The following ZMIZ1 variants were observed in gnomAD, a reference collection of about 807,000 sequenced individuals.
ZMIZ1 encodes the protein zinc finger MIZ-type containing 1, also known as zinc finger MIZ domain-containing protein 1.
A neutral mutation model predicts 113.9 loss-of-function variants in ZMIZ1; 17 were observed. That is an observed-to-expected ratio of 0.15 (90% CI 0.10 to 0.22). ZMIZ1 has a LOEUF of 0.22. ZMIZ1 is among the 10% of genes least tolerant of loss of function. ZMIZ1 has a pLI of 1.00. For missense variants in ZMIZ1, 1,059 were observed against 1,477.8 expected (o/e 0.72, Z 4.65); for synonymous variants, 607 against 603.1 (o/e 1.01, Z -0.09).
At chr10:79,149,096 A>T (rs1053194219) in intron 3 of ZMIZ1, among the ~76,000 whole-genome samples, 2 of 152,158 alleles carry the variant, frequency 1.3e-5, no homozygotes, top group African/African-American at 4.8e-5. Context: ...TGCCTTCATG[A>T]GGAGGCCCTT....
intron 11 of ZMIZ1, chr10:79,292,954 C>A: frequency 2.2e-6 from 1 of 459,460 alleles, no homozygotes; most frequent in Non-Finnish European, 4.3e-6. Context: ...TCCACTGGCC[C>A]AGGACCAAGG....
intron 2 of ZMIZ1, among the ~76,000 whole-genome samples, chr10:79,127,616 A>T (rs1341605917): frequency 6.6e-6 from 1 of 152,144 alleles, no homozygotes; most frequent in African/African-American, 2.4e-5. Flanking sequence ...CTGGAGTCAG[A>T]GAAGAGAAGG....
chr10:79,088,396 G>T (rs1345229747), intron 1 of ZMIZ1, among the ~76,000 whole-genome samples: 4 of 152,196 alleles, frequency 2.6e-5, no homozygotes, highest in Non-Finnish European at 5.9e-5. Flanking sequence ...CGAGTCTGTG[G>T]GCAAATGAGC....
intron 8 of ZMIZ1, 122 bp downstream of exon 8, chr10:79,277,447 GGTGCAGTT>G (rs1852371203): frequency 7.7e-7 from 1 of 1,292,682 alleles, no homozygotes; most frequent in Admixed American, 3.6e-5. Context: ...CATTTTCTAA[GGTGCAGTT>G]GTTTTTTTAC....
chr10:79,202,546 TCCACTCAG>T (rs67091351), intron 5 of ZMIZ1, among the ~76,000 whole-genome samples: 63,220 of 151,644 alleles, frequency 0.42, 13,561 homozygotes, highest in Non-Finnish European at 0.49. Context: ...GTAGCCTGAG[TCCACTCAG>T]CCCCTCTGGT....
chr10:79,212,031 C>G (rs1848549292), intron 6 of ZMIZ1, among the ~76,000 whole-genome samples: 1 of 152,240 alleles, frequency 6.6e-6, no homozygotes, highest in Non-Finnish European at 1.5e-5. Flanking sequence ...ATTCCCTAGA[C>G]AGCCTGTCCT....
intron 7 of ZMIZ1, among the ~76,000 whole-genome samples, chr10:79,263,161 A>G (rs1217265918): frequency 2.0e-5 from 3 of 152,268 alleles, no homozygotes; most frequent in South Asian, 4.1e-4. Context: ...AGATGGTGCC[A>G]TGCGCTCCTG....
rs191428675 is a variant in ZMIZ1 at position 79,306,432 on chromosome 10, G to A, written c.2668+88G>A. ...CAGAATTTCTGTGCTGATGGTGGCA[G>A]GGGTCGGGGGTGTGGTTGAAGAGAG... On this transcript the variant is annotated intron_variant, in intron 22 of 24. Transcript: ENST00000334512. The A allele has an allele frequency of 5.3e-5, 82 of 1,542,352 alleles. No homozygotes were observed. In the Admixed American group the frequency reaches 5.7e-4, roughly 11 times the overall value.
In ZMIZ1 at chr10:79,102,080, C is replaced by T. The variant is rs564036241; in HGVS notation, c.-336-16835C>T. On this transcript the variant is annotated intron_variant, in intron 1 of 24. Coordinates refer to ENST00000334512, the MANE Select transcript of ZMIZ1 (RefSeq NM_020338.4). Reference sequence around the variant, plus strand: ...CCTGCTCTCAAGGAGGAAGAGCTGTCCCCTAGCAATAAGCTCTTCCCATCT... The same window carrying T: ...CCTGCTCTCAAGGAGGAAGAGCTGTTCCCTAGCAATAAGCTCTTCCCATCT... 1.1e-4 allele frequency among the ~76,000 whole-genome samples: 17 copies of T among 152,320 alleles called. No individual in the cohort carries two copies. The South Asian group carries it at 3.3e-3, about 30-fold the overall frequency.
chr10:79,311,290 TGGGTGGGCGGTGGG>T, intron 24 of ZMIZ1, 106 bp downstream of exon 24: 2 of 102,696 alleles, frequency 1.9e-5, no homozygotes, highest in East Asian at 3.3e-4. Flanking sequence ...AGGGAGGAGG[TGGGTGGGCGGTGGG>T]AGGGCTTCAC....
At chr10:79,242,985 G>C (rs951912788) in intron 7 of ZMIZ1, among the ~76,000 whole-genome samples, 7 of 150,902 alleles carry the variant, frequency 4.6e-5, no homozygotes, top group East Asian at 2.0e-4. Context: ...TGCGGGCGGC[G>C]GGCTGGGGGG....
chr10:79,120,467 G>A (rs1250364763), intron 2 of ZMIZ1, among the ~76,000 whole-genome samples: 1 of 152,222 alleles, frequency 6.6e-6, no homozygotes, highest in Non-Finnish European at 1.5e-5. Flanking sequence ...GCAGCTCCTG[G>A]GAGGCTCTGG....
At chr10:79,133,919 C>T (rs1451620619) in intron 2 of ZMIZ1, among the ~76,000 whole-genome samples, 1 of 152,228 alleles carries the variant, frequency 6.6e-6, no homozygotes, top group Non-Finnish European at 1.5e-5. Flanking sequence ...ATTCATTTTG[C>T]ATTTATTTCT....
At position 79,296,373 on chromosome 10, in the gene ZMIZ1, TGAGGA is replaced by T; in HGVS notation, c.1231-93_1231-89del. 1 of 1,327,028 alleles carries T rather than the reference TGAGGA, an allele frequency of 7.5e-7. No individual in the cohort carries two copies. The highest frequency in any genetic ancestry group is 1.1e-6 in the Non-Finnish European group (1 of 934,838). The allele number at this position is 1,327,028 out of a possible 1,614,324, so 82.2% of individuals were successfully genotyped here. ...GTGGGTGGGAAACAGCAGGAGCAAA[TGAGGA>T]GAGGCGGGCCCCATCCCGTTGTTCA... On this transcript the variant is annotated intron_variant, in intron 12 of 24. Coordinates refer to ENST00000334512, the MANE Select transcript of ZMIZ1 (RefSeq NM_020338.4). This position sits in a 1 kb window ranked among gnomAD's most constrained non-coding sequence, Gnocchi z 4.1.
intron 4 of ZMIZ1, among the ~76,000 whole-genome samples, chr10:79,194,835 G>A (rs372001898): frequency 4.2e-4 from 64 of 152,270 alleles, no homozygotes; most frequent in African/African-American, 1.5e-3. Flanking sequence ...TGCACCAGGC[G>A]CCGCTAAGCA....
chr10:79,271,902 G>A lies in ZMIZ1; in HGVS notation c.281-5279G>A, dbSNP rs568919954. Among the ~76,000 whole-genome samples the A allele has an allele frequency of 4.6e-5, 7 of 152,274 alleles. No individual in the cohort carries two copies. In the East Asian group the frequency reaches 5.8e-4, roughly 13 times the overall value. On this transcript the variant is annotated intron_variant, in intron 7 of 24. Transcript: ENST00000334512. ...TGCCTGCTACAAGCAGAGCACACAC[G>A]GCGCTGAGAGGCTCTTCGTGCTAAC... is the stretch of plus-strand genomic sequence containing the variant.
At chr10:79,172,110 G>A (rs1373375420) in intron 4 of ZMIZ1, among the ~76,000 whole-genome samples, 1 of 152,134 alleles carries the variant, frequency 6.6e-6, no homozygotes, top group Admixed American at 6.5e-5. Context: ...TCTGGGGCAG[G>A]GGCAGGGCTC....
intron 4 of ZMIZ1, among the ~76,000 whole-genome samples, chr10:79,176,584 C>T (rs1463449025): frequency 6.6e-6 from 1 of 151,844 alleles, no homozygotes; most frequent in Non-Finnish European, 1.5e-5. Context: ...ATGAACACCC[C>T]TCTTGCAAGC....
At chr10:79,229,555 G>C (rs111340991) in intron 7 of ZMIZ1, among the ~76,000 whole-genome samples, 256 of 152,278 alleles carry the variant, frequency 1.7e-3, no homozygotes, top group African/African-American at 6.0e-3. Flanking sequence ...AGGAATTACT[G>C]GGGGGAAACA....
Sources: allele counts gnomAD v4.1 joint callset (sites outside exome capture counted in the v4.1 genomes callset), GRCh38; gene constraint gnomAD v4.1.1; non-coding constraint Gnocchi (gnomAD v3.1); transcripts MANE v1.5; gene names NCBI Gene and HGNC (gene_info 2026-07-23, HGNC 2026-07-21).